Variants in F5 observed in about 807,000 individuals in gnomAD.
F5 encodes activated protein c cofactor.
In F5, 138 loss-of-function variants were observed where a neutral mutation model predicts 216.4. The observed-to-expected ratio is 0.64, with a 90% CI of 0.56 to 0.73. The LOEUF (loss-of-function observed/expected upper bound fraction) is 0.73. Among genes scored for constraint, F5 ranks in the 30% least tolerant of loss-of-function variants. The probability of loss-of-function intolerance (pLI) is 0.00; values close to 1 mark genes in which losing one functional copy is unlikely to be tolerated. For missense variants in F5, 2,403 were observed against 2,674.0 expected (o/e 0.90, Z 2.24); for synonymous variants, 916 against 930.7 (o/e 0.98, Z 0.29).
intron 10 of F5, among the ~76,000 whole-genome samples, chr1:169,547,050 C>T (rs1210497397): frequency 1.3e-5 from 2 of 151,766 alleles, no homozygotes; most frequent in Non-Finnish European, 2.9e-5. Flanking sequence ...CCCAGCTACT[C>T]GGGAGGCCGA....
chr1:169,544,198 C>A lies in F5; in HGVS notation c.1975+98G>T, dbSNP rs9287092. On this transcript the variant is annotated intron_variant, in intron 12 of 24. Coordinates refer to ENST00000367797, the MANE Select transcript of F5 (RefSeq NM_000130.5). ...AAGCCTGCAGGGGGTCAGGGAGATA[C>A]ATAGAGGAGCACTGGTAGCCTGGAG... 0.25 allele frequency: 243,167 copies of A among 956,806 alleles called. 31,879 individuals carry two copies. Among genetic ancestry groups the A allele is most frequent in the Admixed American group, 0.37 (19,331 of 52,224 alleles). The allele number at this position is 956,806 out of a possible 1,614,324, so 59.3% of individuals were successfully genotyped here.
At chr1:169,524,287 G>A (rs999683673) in intron 19 of F5, among the ~76,000 whole-genome samples, 1 of 152,202 alleles carries the variant, frequency 6.6e-6, no homozygotes, top group Non-Finnish European at 1.5e-5. Context: ...GAAAACTTTG[G>A]AGGAGTTCCT....
At position 169,525,309 on chromosome 1, in the gene F5, T is replaced by A. The variant is rs138806714; in HGVS notation, c.5717-401A>T. ...GCCAGGAGTTTGATCTTGGGCAACCTCTTCTCTACAAAAAAAATAAAAATA... is the reference window on the plus strand; with the variant it reads ...GCCAGGAGTTTGATCTTGGGCAACCACTTCTCTACAAAAAAAATAAAAATA... On this transcript the variant is annotated intron_variant, in intron 18 of 24. Transcript: ENST00000367797. 1.1e-3 allele frequency among the ~76,000 whole-genome samples: 162 copies of A among 152,154 alleles called. 1 individual carries two copies. The highest frequency in any genetic ancestry group is 3.7e-3 in the African/African-American group (153 of 41,500).
In F5 at chr1:169,586,380, G is replaced by A; in HGVS notation, c.7C>T (p.Pro3Ser). 1 of 1,613,110 alleles carries A rather than the reference G, an allele frequency of 6.2e-7. No individual in the cohort carries two copies. The highest frequency in any genetic ancestry group is 8.5e-7 in the Non-Finnish European group (1 of 1,179,900). Reference protein sequence around the residue: MFPGCPRLWVLVV... With the variant: MFSGCPRLWVLVV... ...AGGACCCAGAGGCGTGGGCAGCCTG[G>A]GAACATGCTTCCTTTCCTGCTCCCG... The change falls in exon 1 of 25, where the codon CCA becomes TCA. Residue 3 changes from proline to serine, a missense_variant. Around this residue, in one of 4 missense-constraint regions of F5, gnomAD observed 1,425 missense variants for 1,554.8 expected, o/e 0.92. Transcript: ENST00000367797.
At chr1:169,540,162 G>T in intron 13 of F5, 132 bp downstream of exon 13, 1 of 931,006 alleles carries the variant, frequency 1.1e-6, no homozygotes, top group Non-Finnish European at 1.6e-6. Flanking sequence ...AAAAAGAACA[G>T]GCCAACTTGC....
chr1:169,586,404 C>A lies in F5; in HGVS notation c.-18G>T. The A allele has an allele frequency of 6.2e-7, 1 of 1,608,896 alleles. No homozygotes were observed. Among genetic ancestry groups the A allele is most frequent in the Non-Finnish European group, 8.5e-7 (1 of 1,179,182 alleles). ...GGGAACATGCTTCCTTTCCTGCTCC[C>A]GCTGGCTGCCACCACCCCAGGACCT... On this transcript the variant is annotated 5_prime_UTR_variant, in exon 1 of 25. Coordinates refer to ENST00000367797, the MANE Select transcript of F5 (RefSeq NM_000130.5).
intron 2 of F5, among the ~76,000 whole-genome samples, chr1:169,581,610 C>T (rs1193479089): frequency 6.6e-6 from 1 of 152,102 alleles, no homozygotes; most frequent in African/African-American, 2.4e-5. Flanking sequence ...CTGGGAAAGA[C>T]AGCAGGTCTT....
intron 14 of F5, among the ~76,000 whole-genome samples, chr1:169,531,531 T>G (rs899018639): frequency 6.6e-6 from 1 of 152,068 alleles, no homozygotes; most frequent in Non-Finnish European, 1.5e-5. Flanking sequence ...TTGGCCATCA[T>G]AGAATGAACA....
At position 169,544,299 on chromosome 1, in the gene F5, C is replaced by A. The variant is rs1224985816; in HGVS notation, c.1972G>T (p.Val658Phe). 1 of 1,613,604 alleles carries A rather than the reference C, an allele frequency of 6.2e-7. No homozygotes were observed. The highest frequency in any genetic ancestry group is 8.5e-7 in the Non-Finnish European group (1 of 1,179,770). Residue 658 changes from valine to phenylalanine, a missense_variant, in exon 12 of 25, where the codon GTT becomes TTT. Coordinates refer to ENST00000367797, the MANE Select transcript of F5 (RefSeq NM_000130.5). ...GESVTVTMDN[V>F]GTWMLTSMNS... ...GAGTGTCCAGACTCTTACTCACCAA[C>A]ATTATCCATTGTGACCGTCACAGAT...
chr1:169,569,569 A>T (rs1340381415), intron 3 of F5, among the ~76,000 whole-genome samples: 1 of 152,104 alleles, frequency 6.6e-6, no homozygotes, highest in African/African-American at 2.4e-5. Flanking sequence ...GAGTTTCTGA[A>T]AATTTAACCT....
intron 23 of F5, among the ~76,000 whole-genome samples, chr1:169,516,950 A>T (rs1280491619): frequency 1.3e-5 from 2 of 152,186 alleles, no homozygotes; most frequent in African/African-American, 2.4e-5. Flanking sequence ...TTTTTAAAAG[A>T]TTGTAAAATG....
Position 169,523,938 on chromosome 1 carries a change from AT to A in F5, c.5789-35del, listed in dbSNP as rs1659370448. ...AAGGGAAGAAAAAGATTTATTCTGAATTTTTTAAAAACCCAGCAATTTCTCA... is the reference window on the plus strand; with the variant it reads ...AAGGGAAGAAAAAGATTTATTCTGAATTTTTAAAAACCCAGCAATTTCTCA... On this transcript the variant is annotated intron_variant, in intron 19 of 24. Coordinates refer to ENST00000367797, the MANE Select transcript of F5 (RefSeq NM_000130.5). The A allele has an allele frequency of 3.2e-6, 5 of 1,572,752 alleles. No individual in the cohort carries two copies. The South Asian group carries it at 3.3e-5, about 10-fold the overall frequency.
rs772659838 is a variant in F5 at position 169,586,419 on chromosome 1, C to T, written c.-33G>A. 4 of 1,603,740 alleles carry T rather than the reference C, an allele frequency of 2.5e-6. No homozygotes were observed. The highest frequency in any genetic ancestry group is 3.4e-5 in the Admixed American group (2 of 59,284). On this transcript the variant is annotated 5_prime_UTR_variant, in exon 1 of 25. In the 5' UTR this introduces an upstream ATG that the reference lacks. Coordinates refer to ENST00000367797, the MANE Select transcript of F5 (RefSeq NM_000130.5). ...TTCCTGCTCCCGCTGGCTGCCACCA[C>T]CCCAGGACCTGGGCAGCGCTTGCCG...
Position 169,536,539 on chromosome 1 carries a change from AG to A in F5, c.4937del (p.Pro1646LeufsTer18). 1 of 1,613,580 alleles carries A rather than the reference AG, an allele frequency of 6.2e-7. No individual in the cohort carries two copies. The highest frequency in any genetic ancestry group is 8.5e-7 in the Non-Finnish European group (1 of 1,179,566). On this transcript the variant is annotated frameshift_variant, in exon 14 of 25. Transcript: ENST00000367797. LOFTEE classifies it high-confidence loss of function. ...EYEEHLGILG[P>X]IIRAEVDDVI... ...CATCATCCACTTCAGCTCTGATAAT[AG>A]GACCAAGAATTCCGAGATGCTCTTC...
At chr1:169,550,095 G>C (rs2101825404) in intron 9 of F5, 80 bp from the exon 10 acceptor site, 1 of 1,149,414 alleles carries the variant, frequency 8.7e-7, no homozygotes, top group South Asian at 1.3e-5. Context: ...GCTTTCGCTG[G>C]AACCAATTAA....
In F5 at chr1:169,560,715, A is replaced by G. The variant is rs552620077; in HGVS notation, c.425T>C (p.Val142Ala). 2.5e-6 allele frequency: 4 copies of G among 1,613,288 alleles called. No individual in the cohort carries two copies. The highest frequency in any genetic ancestry group is 3.4e-6 in the Non-Finnish European group (4 of 1,179,768). ...ATAGGTGTATTCTCGGCCTGGAGCC[A>G]CAGCGTCGTCCATCTTCTCCGCAGG... ...TFPAEKMDDA[V>A]APGREYTYEW... Residue 142 changes from valine to alanine, a missense_variant, in exon 4 of 25, where the codon GTG becomes GCG. Coordinates refer to ENST00000367797, the MANE Select transcript of F5 (RefSeq NM_000130.5).
Position 169,550,731 on chromosome 1 carries a change from G to T in F5, c.1305C>A (p.Phe435Leu). 6.2e-7 allele frequency: 1 copy of T among 1,611,624 alleles called. No individual in the cohort carries two copies. ...AQVRDTLKIV[F>L]KNMASRPYSI... ...TATAGGGGCGGCTGGCCATATTTTT[G>T]AACACGATCTACAAAGTTAAATCAA... The change falls in exon 9 of 25, where the codon TTC becomes TTA. Residue 435 changes from phenylalanine (F) to leucine (L), a missense_variant. This residue lies in a region of F5 where 1,425 missense variants were observed against 1,554.8 expected (regional missense o/e 0.92). Transcript: ENST00000367797.
Position 169,544,344 on chromosome 1 carries a change from G to T in F5, c.1927C>A (p.Leu643Ile). 1 of 1,614,068 alleles carries T rather than the reference G, an allele frequency of 6.2e-7. No individual in the cohort carries two copies. ...YGKRHEDTLT[L>I]FPMRGESVTV... is the part of the protein sequence containing the mutation. The stretch of plus-strand genomic sequence containing the variant: ...ACAGATTCTCCACGCATGGGGAAGA[G>T]GGTCAAGGTGTCCTCATGCCTCTTT... Residue 643 changes from leucine (L) to isoleucine (I), a missense_variant, in exon 12 of 25, where the codon CTC becomes ATC. Leu to Ile is a conservative substitution (Grantham distance 5). Around this residue, in one of 4 missense-constraint regions of F5, gnomAD observed 1,425 missense variants for 1,554.8 expected, o/e 0.92. Transcript: ENST00000367797.
At chr1:169,527,095 T>C (rs956173381) in intron 17 of F5, among the ~76,000 whole-genome samples, 1 of 152,102 alleles carries the variant, frequency 6.6e-6, no homozygotes, top group African/African-American at 2.4e-5. Flanking sequence ...AGGCAGCATG[T>C]GTTAGGTTGG....
Sources: gnomAD v4.1 joint callset for allele counts (sites outside exome capture counted in the v4.1 genomes callset) on GRCh38, gnomAD v4.1.1 for gene constraint, gnomAD v4.1.1 regional missense constraint, MANE v1.5 for transcripts, NCBI Gene and HGNC (gene_info 2026-07-23, HGNC 2026-07-21) for gene names.